The following ADAMTS16 variants were observed in gnomAD, a reference collection of about 807,000 sequenced individuals.
ADAMTS16 encodes the protein A disintegrin and metalloproteinase with thrombospondin motifs 16.
Under a neutral mutation model 145.8 loss-of-function variants are expected in ADAMTS16, and 94 were observed. The ratio of observed to expected loss-of-function variants is 0.64; its 90% CI spans 0.55 to 0.77. The LOEUF (loss-of-function observed/expected upper bound fraction) is 0.77, where lower values mean the gene tolerates loss of function less well. ADAMTS16 is among the 30% of genes least tolerant of loss of function. The pLI is 0.00. For missense variants in ADAMTS16, 1,585 were observed against 1,591.5 expected (o/e 1.00, Z 0.07); for synonymous variants, 659 against 604.3 (o/e 1.09, Z -1.33).
At chr5:5,315,576 A>G (rs1734021992) in intron 21 of ADAMTS16, among the ~76,000 whole-genome samples, 1 of 152,192 alleles carries the variant, frequency 6.6e-6, no homozygotes, top group Non-Finnish European at 1.5e-5. Flanking sequence ...GATGTTGTGG[A>G]CACTGATGGA....
Position 5,239,202 on chromosome 5 carries a change from G to C in ADAMTS16, c.2206G>C (p.Gly736Arg). 1 of 1,603,242 alleles carries C rather than the reference G, an allele frequency of 6.2e-7. No homozygotes were observed. The highest frequency in any genetic ancestry group is 8.5e-7 in the Non-Finnish European group (1 of 1,175,456). The change falls in exon 15 of 23, where the codon GGG becomes CGG. Residue 736 changes from glycine to arginine, a missense_variant. By Grantham distance (125) the Gly-to-Arg change is moderately radical. This residue lies in a region of ADAMTS16 where 834 missense variants were observed against 811.7 expected (regional missense o/e 1.03). Coordinates refer to ENST00000274181, the MANE Select transcript of ADAMTS16 (RefSeq NM_139056.4). ...ATCTGATGCTGTTGAAGACGTCTGT[G>C]GGGTGTGTAACGGGAATAACTCAGC... Reference protein sequence around the residue: ...LGSDAVEDVCGVCNGNNSACT... With the variant: ...LGSDAVEDVCRVCNGNNSACT...
intron 3 of ADAMTS16, among the ~76,000 whole-genome samples, chr5:5,172,447 A>G (rs925597127): frequency 2.0e-5 from 3 of 151,852 alleles, no homozygotes; most frequent in African/African-American, 4.8e-5. Flanking sequence ...GTGTATTTTT[A>G]TTATCATTTT....
chr5:5,250,705 C>CTGTGTGTGTGTGTG (rs1342870465), intron 17 of ADAMTS16, among the ~76,000 whole-genome samples: 4 of 4,030 alleles, frequency 9.9e-4, no homozygotes, highest in South Asian at 0.042. Flanking sequence ...TCTGTCTCTT[C>CTGTGTGTGTGTGTG]TCTCTGTGTG....
At chr5:5,271,790 A>G (rs1205576730) in intron 18 of ADAMTS16, among the ~76,000 whole-genome samples, 2 of 152,164 alleles carry the variant, frequency 1.3e-5, no homozygotes, top group Admixed American at 6.5e-5. Flanking sequence ...GCCGAGTAAG[A>G]GTCTGGATCA....
chr5:5,175,388 C>T (rs148679996), intron 3 of ADAMTS16, among the ~76,000 whole-genome samples: 1 of 152,220 alleles, frequency 6.6e-6, no homozygotes, highest in African/African-American at 2.4e-5. Flanking sequence ...AATTGCAAGA[C>T]AAAGTGCTCG....
chr5:5,160,772 AC>A (rs1231248659), intron 3 of ADAMTS16, among the ~76,000 whole-genome samples: 4 of 147,540 alleles, frequency 2.7e-5, no homozygotes, highest in South Asian at 2.1e-4. Context: ...AAAAAAAAAA[AC>A]CAGCTTTACT....
chr5:5,167,685 C>A (rs73036295), intron 3 of ADAMTS16, among the ~76,000 whole-genome samples: 4,888 of 152,252 alleles, frequency 0.032, 267 homozygotes, highest in African/African-American at 0.11. Flanking sequence ...CTTTGTCTAG[C>A]GAATTAGCCT....
Position 5,262,744 on chromosome 5 carries a change from C to T in ADAMTS16, c.2750C>T (p.Thr917Met), listed in dbSNP as rs192673903. 105 of 1,614,222 alleles carry T rather than the reference C, an allele frequency of 6.5e-5. No individual in the cohort carries two copies. Among genetic ancestry groups the T allele is most frequent in the Middle Eastern group, 1.6e-4 (1 of 6,062 alleles). ...TGCAATCCCAAGACACGACCTGTCA[C>T]GGGGCTGGTGCCTTGCAAAGTATCT... Reference protein sequence around the residue: ...SFCNPKTRPVTGLVPCKVSAC... With the variant: ...SFCNPKTRPVMGLVPCKVSAC... Residue 917 changes from threonine (T) to methionine (M), a missense_variant, in exon 18 of 23, where the codon ACG (threonine) becomes ATG (methionine). This residue lies in a region of ADAMTS16 where 834 missense variants were observed against 811.7 expected (regional missense o/e 1.03). Coordinates refer to ENST00000274181, the MANE Select transcript of ADAMTS16 (RefSeq NM_139056.4).
chr5:5,196,844 T>TG (rs1233905777), intron 8 of ADAMTS16, among the ~76,000 whole-genome samples: 1 of 152,234 alleles, frequency 6.6e-6, no homozygotes, highest in Admixed American at 6.5e-5. Flanking sequence ...AAACTGAGGC[T>TG]GGGGGGGTCA....
At chr5:5,312,839 A>G (rs1430951315) in intron 21 of ADAMTS16, among the ~76,000 whole-genome samples, 1 of 152,110 alleles carries the variant, frequency 6.6e-6, no homozygotes, top group Non-Finnish European at 1.5e-5. Context: ...GAGTCGAGGC[A>G]TTTCTCAGGC....
chr5:5,311,300 C>CAAAAAAAAAAA (rs57267931), intron 21 of ADAMTS16, among the ~76,000 whole-genome samples: 1 of 127,950 alleles, frequency 7.8e-6, no homozygotes, highest in African/African-American at 3.0e-5. Flanking sequence ...TTGACATAGG[C>CAAAAAAAAAAA]AAAAAAAAAA....
chr5:5,305,089 CCA>C (rs1200711150), intron 20 of ADAMTS16, among the ~76,000 whole-genome samples: 25 of 48,878 alleles, frequency 5.1e-4, no homozygotes, highest in South Asian at 8.4e-4. Flanking sequence ...ACATCCCACA[CCA>C]CACACACACA....
intron 10 of ADAMTS16, among the ~76,000 whole-genome samples, chr5:5,213,495 T>C (rs1301621568): frequency 6.6e-6 from 1 of 152,222 alleles, no homozygotes; most frequent in African/African-American, 2.4e-5. Context: ...TATTCATTTA[T>C]CTCTACTTTT....
chr5:5,273,433 G>A, intron 18 of ADAMTS16, among the ~76,000 whole-genome samples: 1 of 152,224 alleles, frequency 6.6e-6, no homozygotes, highest in East Asian at 1.9e-4. Context: ...AGAGGTGGGA[G>A]GATCACTTGA....
rs71604122 is a variant in ADAMTS16 at position 5,265,985 on chromosome 5, A to AGTGTGTGT, written c.2789+3238_2789+3245dup. Among the ~76,000 whole-genome samples the AGTGTGTGT allele has an allele frequency of 7.1e-5, 10 of 141,472 alleles. No individual in the cohort carries two copies. The South Asian group carries it at 7.4e-4, about 10-fold the overall frequency. 92.8% of individuals were successfully genotyped at this position (141,472 alleles called of 152,430 possible). Reference sequence around the variant, plus strand: ...GAAACCAGTAAATTAGACTTAAAGAAGTGTGTGTGTGTGTGTGTGTGTGTG... The same window carrying AGTGTGTGT: ...GAAACCAGTAAATTAGACTTAAAGAAGTGTGTGTGTGTGTGTGTGTGTGTGTGTGTGTG... On this transcript the variant is annotated intron_variant, in intron 18 of 22. Coordinates refer to ENST00000274181, the MANE Select transcript of ADAMTS16 (RefSeq NM_139056.4).
In ADAMTS16 at chr5:5,319,595, C is replaced by G; in HGVS notation, c.*457C>G. 9.9e-6 allele frequency: 3 copies of G among 302,438 alleles called. No individual in the cohort carries two copies. The allele number at this position is 302,438 out of a possible 1,614,324, so 18.7% of individuals were successfully genotyped here. ...CTCCCCTCCCACTAGGAGGGCCCCT[C>G]GAGCCATCAGGAGTGACCAACTTCC... On this transcript the variant is annotated 3_prime_UTR_variant, in exon 23 of 23. Coordinates refer to ENST00000274181, the MANE Select transcript of ADAMTS16 (RefSeq NM_139056.4).
chr5:5,208,409 C>A (rs1010240926), intron 9 of ADAMTS16, among the ~76,000 whole-genome samples: 3 of 152,180 alleles, frequency 2.0e-5, no homozygotes, highest in African/African-American at 7.2e-5. Context: ...TACACTTTCC[C>A]AAATGCATAA....
intron 3 of ADAMTS16, among the ~76,000 whole-genome samples, chr5:5,154,961 G>A (rs1560926113): frequency 6.6e-6 from 1 of 152,024 alleles, no homozygotes; most frequent in Non-Finnish European, 1.5e-5. Flanking sequence ...TGAATGACAG[G>A]ATGTCTGAAA....
intron 18 of ADAMTS16, 81 bp downstream of exon 18, chr5:5,262,864 A>T (rs1372088593): frequency 6.4e-7 from 1 of 1,567,444 alleles, no homozygotes; most frequent in Non-Finnish European, 8.6e-7. Context: ...TGATTTCGAG[A>T]GAGAAGTGCT....
Sources: gnomAD v4.1 joint callset for allele counts (sites outside exome capture counted in the v4.1 genomes callset) on GRCh38, gnomAD v4.1.1 for gene constraint, gnomAD v4.1.1 regional missense constraint, MANE v1.5 for transcripts, NCBI Gene and HGNC (gene_info 2026-07-23, HGNC 2026-07-21) for gene names.